MAST4: variants seen among roughly 807,000 people sequenced by gnomAD.
The protein encoded by MAST4 is microtubule-associated serine/threonine-protein kinase 4.
MAST4 carries 89 observed loss-of-function variants against 162.7 expected under a neutral mutation model. The observed-to-expected ratio is 0.55, with a 90% CI of 0.46 to 0.65. The LOEUF is 0.65. MAST4 is among the 30% of genes least tolerant of loss of function. MAST4 has a pLI of 0.00. For synonymous variants in MAST4, 1,479 were observed against 1,361.1 expected (o/e 1.09, Z -1.91); for missense variants, 3,153 against 3,374.0 (o/e 0.93, Z 1.62).
chr5:66,700,401 A>G (rs1749690306), intron 1 of MAST4, among the ~76,000 whole-genome samples: 2 of 152,048 alleles, frequency 1.3e-5, no homozygotes, highest in South Asian at 4.1e-4. Flanking sequence ...TTAAATTTTG[A>G]TATGATACAC....
intron 4 of MAST4, among the ~76,000 whole-genome samples, chr5:67,042,338 T>A (rs1452655044): frequency 6.6e-6 from 1 of 152,202 alleles, no homozygotes; most frequent in Non-Finnish European, 1.5e-5. Context: ...ATACTGAGCA[T>A]CTTAAAGACC....
At chr5:66,682,848 G>A (rs1432266826) in intron 1 of MAST4, among the ~76,000 whole-genome samples, 1 of 152,206 alleles carries the variant, frequency 6.6e-6, no homozygotes, top group Non-Finnish European at 1.5e-5. Flanking sequence ...TGGGACTACA[G>A]GCCTATGCCA....
intron 2 of MAST4, among the ~76,000 whole-genome samples, chr5:66,786,222 T>A (rs1411480107): frequency 6.6e-6 from 1 of 152,030 alleles, no homozygotes; most frequent in Non-Finnish European, 1.5e-5. Context: ...CTTCACTGAG[T>A]AAAAATACTT....
intron 4 of MAST4, among the ~76,000 whole-genome samples, chr5:66,924,246 G>A (rs1764728355): frequency 6.6e-6 from 1 of 152,174 alleles, no homozygotes; most frequent in Non-Finnish European, 1.5e-5. Context: ...TCCTTTTGAA[G>A]AGGGAAGTAA....
chr5:66,687,479 TATAC>T (rs957564883), intron 1 of MAST4, among the ~76,000 whole-genome samples: 6 of 152,042 alleles, frequency 3.9e-5, no homozygotes, highest in African/African-American at 7.2e-5. Context: ...TGTATATATG[TATAC>T]ATACATATAT....
At chr5:67,090,275 A>G in intron 6 of MAST4, 44 bp downstream of exon 6, 1 of 1,480,430 alleles carries the variant, frequency 6.8e-7, no homozygotes, top group Non-Finnish European at 9.4e-7. Context: ...TTATAGAGAG[A>G]ATCCCATTTT....
At chr5:66,667,735 G>A (rs778655696) in intron 1 of MAST4, among the ~76,000 whole-genome samples, 1 of 152,144 alleles carries the variant, frequency 6.6e-6, no homozygotes, top group Non-Finnish European at 1.5e-5. Flanking sequence ...TGCTTAATAC[G>A]TTAGTCTATG....
At chr5:66,838,848 G>A (rs1758218138) in intron 3 of MAST4, among the ~76,000 whole-genome samples, 1 of 152,184 alleles carries the variant, frequency 6.6e-6, no homozygotes, top group Non-Finnish European at 1.5e-5. Flanking sequence ...TCTCAAGAAT[G>A]ATGCTGTCTG....
intron 1 of MAST4, among the ~76,000 whole-genome samples, chr5:66,699,218 C>A (rs1749608033): frequency 6.6e-6 from 1 of 152,136 alleles, no homozygotes; most frequent in Non-Finnish European, 1.5e-5. Flanking sequence ...GTTATTTCTT[C>A]CTTAAATGTT....
intron 5 of MAST4, among the ~76,000 whole-genome samples, chr5:67,087,247 C>G (rs1466018115): frequency 6.6e-6 from 1 of 152,072 alleles, no homozygotes; most frequent in Non-Finnish European, 1.5e-5. Context: ...AGCCTGTATC[C>G]TTTTTCACTC....
At chr5:66,832,134 G>A (rs112265254) in intron 3 of MAST4, among the ~76,000 whole-genome samples, 54 of 152,060 alleles carry the variant, frequency 3.6e-4, no homozygotes, top group Non-Finnish European at 5.7e-4. Context: ...AGCGGCTGAC[G>A]ATGCCTTTCC....
intron 1 of MAST4, among the ~76,000 whole-genome samples, chr5:66,701,363 C>G (rs910530002): frequency 2.0e-5 from 3 of 152,166 alleles, no homozygotes; most frequent in Non-Finnish European, 4.4e-5. Context: ...CTCTGTTGTT[C>G]TGCCTGGTTC....
At chr5:67,078,648 T>TTA (rs975662123) in intron 5 of MAST4, among the ~76,000 whole-genome samples, 1 of 130,616 alleles carries the variant, frequency 7.7e-6, no homozygotes, top group Admixed American at 7.9e-5. Flanking sequence ...ATTTATATCT[T>TTA]TATATATATT....
rs765340518 is a variant in MAST4 at position 67,163,781 on chromosome 5, C to T, written c.4602C>T (p.Ala1534=). The T allele has an allele frequency of 3.1e-6, 5 of 1,611,516 alleles. No homozygotes were observed. In the South Asian group the frequency reaches 5.5e-5, roughly 18 times the overall value. ...VDDLDRDKLK[A]KVVVKKADGF... ...ACCTGGACCGCGACAAGCTGAAGGC[C>T]AAGGTGGTGGTGAAGAAAGCAGACG... The change falls in exon 29 of 29, where the codon GCC becomes GCT. Residue 1534 remains alanine (A), a synonymous_variant. Coordinates refer to ENST00000403625, the MANE Select transcript of MAST4 (RefSeq NM_001164664.2). This position sits in a 1 kb window ranked among gnomAD's most constrained non-coding sequence, Gnocchi z 7.0.
At chr5:66,973,444 A>T (rs1050205702) in intron 4 of MAST4, among the ~76,000 whole-genome samples, 2 of 152,110 alleles carry the variant, frequency 1.3e-5, no homozygotes, top group Non-Finnish European at 2.9e-5. Flanking sequence ...CCACAATTTC[A>T]GTTTATCTGA....
At chr5:67,009,292 G>A (rs933500954) in intron 4 of MAST4, among the ~76,000 whole-genome samples, 6 of 152,190 alleles carry the variant, frequency 3.9e-5, no homozygotes, top group Non-Finnish European at 5.9e-5. Flanking sequence ...TGCTGTTGAC[G>A]AAAGTGAAGA....
chr5:67,118,554 A>G (rs1035847843), intron 12 of MAST4, 128 bp from the exon 13 acceptor site: 4 of 617,572 alleles, frequency 6.5e-6, no homozygotes, highest in South Asian at 4.2e-5. Flanking sequence ...AGATTTTCCC[A>G]TGGGCACATT....
chr5:66,693,105 T>TG (rs1749156932), intron 1 of MAST4, among the ~76,000 whole-genome samples: 1 of 152,136 alleles, frequency 6.6e-6, no homozygotes, highest in Non-Finnish European at 1.5e-5. Context: ...GCAGGTCTCT[T>TG]GCTCTATTTA....
intron 4 of MAST4, among the ~76,000 whole-genome samples, chr5:67,040,783 A>G (rs543229071): frequency 6.6e-6 from 1 of 152,352 alleles, no homozygotes; most frequent in Admixed American, 6.5e-5. Flanking sequence ...AAGTGTACAT[A>G]TAATCATTAT....
Sources: gnomAD v4.1 joint callset for allele counts (sites outside exome capture counted in the v4.1 genomes callset) on GRCh38, gnomAD v4.1.1 for gene constraint, Gnocchi (gnomAD v3.1) non-coding constraint, MANE v1.5 for transcripts, NCBI Gene and HGNC (gene_info 2026-07-23, HGNC 2026-07-21) for gene names.